Variants in FSTL5 observed in about 807,000 individuals in gnomAD.
The protein encoded by FSTL5 is follistatin-related protein 5.
A neutral mutation model predicts 89.1 loss-of-function variants in FSTL5; 62 were observed. The observed-to-expected ratio is 0.70, with a 90% CI of 0.57 to 0.86. FSTL5 has a LOEUF of 0.86. Among genes scored for constraint, FSTL5 ranks in the 40% least tolerant of loss-of-function variants. The pLI, the probability that FSTL5 is intolerant of heterozygous loss-of-function variation, is 0.00. For missense variants in FSTL5, 1,057 were observed against 1,001.6 expected, an observed-to-expected ratio of 1.06 and a Z score of -0.75; for synonymous variants, 383 against 346.2, an observed-to-expected ratio of 1.11 and a Z score of -1.18.
intron 15 of FSTL5, 42 bp from the exon 16 acceptor site, chr4:161,386,491 GT>G (rs1730651237): frequency 4.3e-6 from 6 of 1,406,344 alleles, no homozygotes; most frequent in African/African-American, 2.9e-5. Flanking sequence ...AAGCAATGGA[GT>G]TTTTAGCCGT....
chr4:161,987,549 G>A (rs1035135363), intron 3 of FSTL5, among the ~76,000 whole-genome samples: 3 of 142,720 alleles, frequency 2.1e-5, no homozygotes, highest in Non-Finnish European at 4.6e-5. Flanking sequence ...TATAATGAAA[G>A]TATATATACT....
intron 3 of FSTL5, among the ~76,000 whole-genome samples, chr4:161,969,212 T>C (rs1035953783): frequency 6.6e-6 from 1 of 152,182 alleles, no homozygotes; most frequent in Non-Finnish European, 1.5e-5. Flanking sequence ...TCTTCTGTCA[T>C]ATGATCTACT....
intron 3 of FSTL5, among the ~76,000 whole-genome samples, chr4:162,030,955 A>G (rs2111189646): frequency 6.6e-6 from 1 of 152,298 alleles, no homozygotes; most frequent in South Asian, 2.1e-4. Flanking sequence ...GTCTAATAAT[A>G]GTTACAAAAT....
At chr4:161,538,121 C>T (rs181064943) in intron 10 of FSTL5, 45 bp downstream of exon 10, 126 of 1,582,186 alleles carry the variant, frequency 8.0e-5, no homozygotes, top group East Asian at 2.5e-4. Context: ...TAAAAAAGTA[C>T]GTTGAATATG....
At chr4:161,451,177 T>C (rs1733150156) in intron 15 of FSTL5, among the ~76,000 whole-genome samples, 1 of 139,122 alleles carries the variant, frequency 7.2e-6, no homozygotes, top group Non-Finnish European at 1.5e-5. Flanking sequence ...AATATACTCC[T>C]TTTGCACTCC....
At chr4:161,484,504 A>G (rs1164529370) in intron 12 of FSTL5, among the ~76,000 whole-genome samples, 2 of 152,344 alleles carry the variant, frequency 1.3e-5, no homozygotes, top group East Asian at 1.9e-4. Flanking sequence ...AACAGTTTCA[A>G]TTGAATTAAT....
chr4:161,958,086 A>C (rs1735073423), intron 3 of FSTL5, among the ~76,000 whole-genome samples: 1 of 151,806 alleles, frequency 6.6e-6, no homozygotes, highest in African/African-American at 2.4e-5. Context: ...CAATGTTACC[A>C]ATTTTTTCTT....
At chr4:161,618,524 T>A (rs2126642968) in intron 7 of FSTL5, among the ~76,000 whole-genome samples, 1 of 150,490 alleles carries the variant, frequency 6.6e-6, no homozygotes, top group African/African-American at 2.5e-5. Flanking sequence ...TTGAGAGTTT[T>A]TAGCATGAAG....
intron 6 of FSTL5, among the ~76,000 whole-genome samples, chr4:161,691,423 T>C (rs1208254710): frequency 6.6e-6 from 1 of 152,170 alleles, no homozygotes; most frequent in African/African-American, 2.4e-5. Flanking sequence ...CGTGCCACAC[T>C]TGATTGTTAT....
At chr4:162,156,982 C>A (rs1301468489) in intron 1 of FSTL5, among the ~76,000 whole-genome samples, 3 of 151,988 alleles carry the variant, frequency 2.0e-5, no homozygotes, top group Admixed American at 2.0e-4. Flanking sequence ...TAAAATGAAA[C>A]TGTGTTTATA....
intron 7 of FSTL5, among the ~76,000 whole-genome samples, chr4:161,595,183 G>T (rs1733969362): frequency 6.6e-6 from 1 of 151,938 alleles, no homozygotes; most frequent in African/African-American, 2.4e-5. Flanking sequence ...CCTCCATCCT[G>T]ATACAGCATT....
At chr4:161,446,067 A>G (rs147862980) in intron 15 of FSTL5, among the ~76,000 whole-genome samples, 4 of 152,118 alleles carry the variant, frequency 2.6e-5, no homozygotes, top group African/African-American at 9.6e-5. Context: ...ATATCAGCAG[A>G]TTTACAACTC....
chr4:162,155,796 T>G (rs1010014049), intron 1 of FSTL5, among the ~76,000 whole-genome samples: 6 of 152,222 alleles, frequency 3.9e-5, no homozygotes, highest in Non-Finnish European at 7.3e-5. Context: ...GTTTAGATTT[T>G]AACTTATCTT....
chr4:161,997,765 C>A (rs570640927), intron 3 of FSTL5, among the ~76,000 whole-genome samples: 57 of 146,496 alleles, frequency 3.9e-4, no homozygotes, highest in African/African-American at 1.4e-3. Flanking sequence ...CCACCACGCC[C>A]GGCTAATTTT....
intron 11 of FSTL5, among the ~76,000 whole-genome samples, chr4:161,510,193 G>T (rs1188166753): frequency 6.6e-6 from 1 of 151,878 alleles, no homozygotes; most frequent in African/African-American, 2.4e-5. Flanking sequence ...ACACTTTCTG[G>T]CTATGTATCA....
At chr4:162,044,442 T>C (rs1738095038) in intron 2 of FSTL5, among the ~76,000 whole-genome samples, 1 of 152,176 alleles carries the variant, frequency 6.6e-6, no homozygotes, top group African/African-American at 2.4e-5. Flanking sequence ...GGCTTTCTTC[T>C]TTCGTTTATA....
intron 4 of FSTL5, among the ~76,000 whole-genome samples, chr4:161,912,535 C>T (rs1457306359): frequency 6.6e-6 from 1 of 152,112 alleles, no homozygotes; most frequent in African/African-American, 2.4e-5. Flanking sequence ...GTAAGAAGTG[C>T]CTTTCACCTT....
At chr4:161,790,239 C>T (rs961197773) in intron 4 of FSTL5, among the ~76,000 whole-genome samples, 3 of 152,208 alleles carry the variant, frequency 2.0e-5, no homozygotes, top group Non-Finnish European at 4.4e-5. Context: ...AATTGCCATG[C>T]ACTTCTAACA....
chr4:161,976,694 G>A (rs567416319), intron 3 of FSTL5, among the ~76,000 whole-genome samples: 1 of 152,164 alleles, frequency 6.6e-6, no homozygotes, highest in South Asian at 2.1e-4. Context: ...TGTTGGCCAG[G>A]ATGGTCCTGA....
Sources: gnomAD v4.1 joint callset for allele counts (sites outside exome capture counted in the v4.1 genomes callset) on GRCh38, gnomAD v4.1.1 for gene constraint, MANE v1.5 for transcripts, NCBI Gene and HGNC (gene_info 2026-07-23, HGNC 2026-07-21) for gene names.